The following MIA3 variants were observed in gnomAD, a reference collection of about 807,000 sequenced individuals.
MIA3 encodes MIA SH3 domain ER export factor 3.
In MIA3, 90 loss-of-function variants were observed where a neutral mutation model predicts 192.4. The observed-to-expected ratio is 0.47, with a 90% CI of 0.39 to 0.56. The LOEUF (loss-of-function observed/expected upper bound fraction) is 0.56. Among genes scored for constraint, MIA3 ranks in the 20% least tolerant of loss-of-function variants. The pLI is 0.00. For synonymous variants in MIA3, 740 were observed against 792.8 expected, an observed-to-expected ratio of 0.93 and a Z score of 1.12; for missense variants, 2,123 against 2,269.4, an observed-to-expected ratio of 0.94 and a Z score of 1.31.
Position 222,666,822 on chromosome 1 carries a change from T to G in MIA3, c.*1203T>G, listed in dbSNP as rs1664313817. 1 of 152,206 alleles carries G rather than the reference T, an allele frequency of 6.6e-6. No individual in the cohort carries two copies. Among genetic ancestry groups the G allele is most frequent in the African/African-American group, 2.4e-5 (1 of 41,462 alleles). The allele number at this position is 152,206 out of a possible 1,614,324, so 9.4% of individuals were successfully genotyped here. Reference sequence around the variant, plus strand: ...CCATACTTAAAGTCTTATCCATTACTACACTGTCTTTAAAACAATGTTTCT... The same window carrying G: ...CCATACTTAAAGTCTTATCCATTACGACACTGTCTTTAAAACAATGTTTCT... On this transcript the variant is annotated 3_prime_UTR_variant, in exon 28 of 28. Coordinates refer to ENST00000344922, the MANE Select transcript of MIA3 (RefSeq NM_198551.4).
rs576862491 is a variant in MIA3 at position 222,628,865 on chromosome 1, A to T, written c.1645A>T (p.Ile549Phe). ...CCACGAAGAAAAGCCTGGAGAGCAG[A>T]TTTTGGAAGGTGGCTCAGAGAGTGA... The part of the protein sequence containing the change: ...MLHEEKPGEQ[I>F]LEGGSESESA... The change falls in exon 4 of 28, where the codon ATT becomes TTT. Residue 549 changes from isoleucine to phenylalanine, a missense_variant. Coordinates refer to ENST00000344922, the MANE Select transcript of MIA3 (RefSeq NM_198551.4). 6.2e-7 allele frequency: 1 copy of T among 1,614,172 alleles called. No individual in the cohort carries two copies.
rs1013183658 is a variant in MIA3 at position 222,629,251 on chromosome 1, C to T, written c.2031C>T (p.Leu677=). Residue 677 remains leucine (L), a synonymous_variant, in exon 4 of 28, where the codon CTC becomes CTT. Transcript: ENST00000344922. Reference sequence around the variant, plus strand: ...AGCAAATGAGTGAGAAGATAAGGCTCTCTGAGGGAGAAGCCAAAGAGGACT... The same window carrying T: ...AGCAAATGAGTGAGAAGATAAGGCTTTCTGAGGGAGAAGCCAAAGAGGACT... The part of the protein sequence containing the change: ...ASKQMSEKIR[L]SEGEAKEDSL... 2 of 1,614,184 alleles carry T rather than the reference C, an allele frequency of 1.2e-6. No individual in the cohort carries two copies. The highest frequency in any genetic ancestry group is 1.7e-5 in the Admixed American group (1 of 60,028).
At chr1:222,647,245 G>C (rs1663191672) in intron 7 of MIA3, among the ~76,000 whole-genome samples, 1 of 152,144 alleles carries the variant, frequency 6.6e-6, no homozygotes, top group African/African-American at 2.4e-5. Context: ...TTGTATAAGT[G>C]TGTATACTCA....
chr1:222,635,676 G>A (rs180992543), intron 6 of MIA3, among the ~76,000 whole-genome samples: 1 of 152,286 alleles, frequency 6.6e-6, no homozygotes, highest in Non-Finnish European at 1.5e-5. Flanking sequence ...GAGTAATGGG[G>A]TGCTGACTTT....
intron 27 of MIA3, 73 bp from the exon 28 acceptor site, chr1:222,665,236 A>T: frequency 1.0e-6 from 1 of 961,092 alleles, no homozygotes; most frequent in Non-Finnish European, 1.6e-6. Context: ...GACAGACTAT[A>T]TTAACATACC....
At chr1:222,664,200 C>A in intron 27 of MIA3, 52 bp downstream of exon 27, 1 of 1,583,012 alleles carries the variant, frequency 6.3e-7, no homozygotes, top group South Asian at 1.1e-5. Context: ...TTCATCTTCT[C>A]CATCTATCCC....
chr1:222,626,202 T>C (rs1010307726), intron 3 of MIA3, among the ~76,000 whole-genome samples: 2 of 152,074 alleles, frequency 1.3e-5, no homozygotes, highest in African/African-American at 4.8e-5. Flanking sequence ...ATTGGCAGAG[T>C]GAAGTCACAG....
chr1:222,644,375 C>T, intron 6 of MIA3: 2 of 1,517,322 alleles, frequency 1.3e-6, no homozygotes, highest in African/African-American at 2.8e-5. Context: ...CCAGAGTCCG[C>T]CCCCTGAATT....
intron 4 of MIA3, 40 bp downstream of exon 4, chr1:222,630,429 C>T (rs879025270): frequency 2.6e-6 from 4 of 1,539,946 alleles, no homozygotes; most frequent in Non-Finnish European, 3.5e-6. Context: ...GCTGGAGAAG[C>T]AGGTGGGTGG....
chr1:222,641,663 A>AGCTCGTCCC lies in MIA3; in HGVS notation c.3478-3891_3478-3890insGCTCGTCCC, dbSNP rs1662858798. On this transcript the variant is annotated intron_variant, in intron 6 of 27. Coordinates refer to ENST00000344922, the MANE Select transcript of MIA3 (RefSeq NM_198551.4). ...TGCAGCTTCTCAGGGACATATATTA[A>AGCTCGTCCC]ACTCGTCAGTGGGAGGAGTAATTCT... 7.8e-5 allele frequency: 42 copies of AGCTCGTCCC among 540,078 alleles called. 1 individual carries two copies. Among genetic ancestry groups the AGCTCGTCCC allele is most frequent in the South Asian group, 5.8e-4 (42 of 72,352 alleles). 33.5% of individuals were successfully genotyped at this position (540,078 alleles called of 1,614,324 possible).
At chr1:222,627,259 C>G (rs1229937236) in intron 3 of MIA3, among the ~76,000 whole-genome samples, 5 of 152,200 alleles carry the variant, frequency 3.3e-5, no homozygotes, top group Admixed American at 3.3e-4. Flanking sequence ...CATGGAGGAA[C>G]AGAATATGTG....
chr1:222,653,438 G>A (rs182351940), intron 15 of MIA3, 99 bp downstream of exon 15: 19 of 735,798 alleles, frequency 2.6e-5, no homozygotes, highest in South Asian at 1.6e-4. Flanking sequence ...TTAAGCTTTC[G>A]AGGTGTAAAT....
In MIA3 at chr1:222,621,253, T is replaced by C; in HGVS notation, c.228T>C (p.Tyr76=). 6.2e-7 allele frequency: 1 copy of C among 1,613,144 alleles called. No individual in the cohort carries two copies. Among genetic ancestry groups the C allele is most frequent in the Non-Finnish European group, 8.5e-7 (1 of 1,179,764 alleles). ...FKKGDPVYVY[Y]KLARGWPEVW... Reference sequence around the variant, plus strand: ...AAGGTGATCCTGTATATGTTTACTATAAACTGGCAAGAGGATGGCCTGAAG... The same window carrying C: ...AAGGTGATCCTGTATATGTTTACTACAAACTGGCAAGAGGATGGCCTGAAG... Residue 76 remains tyrosine, a synonymous_variant, in exon 2 of 28, where the codon TAT becomes TAC. Transcript: ENST00000344922.
At position 222,632,194 on chromosome 1, in the gene MIA3, T is replaced by A; in HGVS notation, c.3199T>A (p.Ser1067Thr). 6.2e-7 allele frequency: 1 copy of A among 1,614,114 alleles called. No homozygotes were observed. Among genetic ancestry groups the A allele is most frequent in the Non-Finnish European group, 8.5e-7 (1 of 1,180,022 alleles). Residue 1067 changes from serine (S) to threonine (T), a missense_variant, in exon 5 of 28, where the codon TCA becomes ACA. This residue lies in a region of MIA3 where 1,357 missense variants were observed against 1,396.1 expected (regional missense o/e 0.97). Coordinates refer to ENST00000344922, the MANE Select transcript of MIA3 (RefSeq NM_198551.4). ...GCAACCACTGCATGAAGATAATTTC[T>A]CACGAGAGAAGACAGCAGAACTTAA... ...EMQPLHEDNF[S>T]REKTAELNVQ... is the part of the protein sequence containing the mutation.
In MIA3 at chr1:222,630,338, A is replaced by T; in HGVS notation, c.3118A>T (p.Thr1040Ser). 5 of 1,613,800 alleles carry T rather than the reference A, an allele frequency of 3.1e-6. No individual in the cohort carries two copies. The highest frequency in any genetic ancestry group is 4.2e-6 in the Non-Finnish European group (5 of 1,179,842). The change falls in exon 4 of 28, where the codon ACA (threonine) becomes TCA (serine). Residue 1040 changes from threonine (T) to serine (S), a missense_variant. Physicochemically the swap from Thr to Ser is moderately conservative, Grantham distance 58. This residue lies in a region of MIA3 where 1,357 missense variants were observed against 1,396.1 expected (regional missense o/e 0.97). Coordinates refer to ENST00000344922, the MANE Select transcript of MIA3 (RefSeq NM_198551.4). ...YKHSTAEETA[T>S]LVMAPPLEEG... ...GCACTCCACAGCAGAGGAGACAGCC[A>T]CACTGGTGATGGCACCACCTCTAGA...
chr1:222,647,901 AATT>A (rs753650531), intron 7 of MIA3: 20 of 372,642 alleles, frequency 5.4e-5, no homozygotes, highest in Admixed American at 8.6e-5. Context: ...TAGATACTGG[AATT>A]ATTATGTATA....
chr1:222,659,342 C>A, intron 19 of MIA3, 111 bp from the exon 20 acceptor site: 1 of 864,142 alleles, frequency 1.2e-6, no homozygotes, highest in Non-Finnish European at 1.8e-6. Context: ...CTTTATATTT[C>A]TGGATAAGCT....
In MIA3 at chr1:222,660,024, T is replaced by TA. The variant is rs1205940572; in HGVS notation, c.4975+21dup. The TA allele has an allele frequency of 6.2e-7, 1 of 1,600,060 alleles. No individual in the cohort carries two copies. The highest frequency in any genetic ancestry group is 1.3e-5 in the African/African-American group (1 of 74,398). On this transcript the variant is annotated intron_variant, in intron 23 of 27. Coordinates refer to ENST00000344922, the MANE Select transcript of MIA3 (RefSeq NM_198551.4). ...ACGGAGAGGTAAGGGAGCTACCTTG[T>TA]AAAGGGCAACAATCTGTTTTTTGAT...
chr1:222,630,134 G>A lies in MIA3; in HGVS notation c.2914G>A (p.Glu972Lys). 1 of 1,614,182 alleles carries A rather than the reference G, an allele frequency of 6.2e-7. No homozygotes were observed. Among genetic ancestry groups the A allele is most frequent in the Non-Finnish European group, 8.5e-7 (1 of 1,180,034 alleles). The change falls in exon 4 of 28, where the codon GAA (glutamate) becomes AAA (lysine). Residue 972 changes from glutamate to lysine, a missense_variant. By Grantham distance (56) the Glu-to-Lys change is moderately conservative (BLOSUM62 1). Coordinates refer to ENST00000344922, the MANE Select transcript of MIA3 (RefSeq NM_198551.4). ...GCAGGAGAGCCTGCCCTATAATATG[G>A]AAAAAGTCCTAGATAAGGTCTTCCG... is the stretch of plus-strand genomic sequence containing the variant. Reference protein sequence around the residue: ...AQQESLPYNMEKVLDKVFRAS... With the variant: ...AQQESLPYNMKKVLDKVFRAS...
Sources: gnomAD v4.1 joint callset for allele counts (sites outside exome capture counted in the v4.1 genomes callset) on GRCh38, gnomAD v4.1.1 for gene constraint, gnomAD v4.1.1 regional missense constraint, MANE v1.5 for transcripts, NCBI Gene and HGNC (gene_info 2026-07-23, HGNC 2026-07-21) for gene names.